SHLD1: variants seen among roughly 807,000 people sequenced by gnomAD.
SHLD1 encodes RINN1-REV7-interacting novel NHEJ regulator 3.
Under a neutral mutation model 5.5 loss-of-function variants are expected in SHLD1, and 3 were observed. The ratio of observed to expected loss-of-function variants is 0.54; its 90% CI spans 0.25 to 1.40. SHLD1 has a LOEUF of 1.40. SHLD1 is among the 40% of genes most tolerant of loss of function. SHLD1 has a pLI of 0.15. For missense variants in SHLD1, 210 were observed against 244.4 expected, an observed-to-expected ratio of 0.86 and a Z score of 0.94; for synonymous variants, 92 against 94.3, an observed-to-expected ratio of 0.98 and a Z score of 0.14.
chr20:5,840,993 G>A (rs936027338), intron 2 of SHLD1, among the ~76,000 whole-genome samples: 2 of 151,988 alleles, frequency 1.3e-5, no homozygotes, highest in African/African-American at 4.8e-5. Flanking sequence ...ATATTTATTA[G>A]TTTCTTTGTT....
chr20:5,805,353 C>T (rs985698670), intron 2 of SHLD1, among the ~76,000 whole-genome samples: 2 of 152,106 alleles, frequency 1.3e-5, no homozygotes, highest in African/African-American at 4.8e-5. Context: ...GACAGAGTTT[C>T]TCCGTGTTGG....
chr20:5,849,139 G>T (rs1371635365), intron 2 of SHLD1, among the ~76,000 whole-genome samples: 1 of 152,192 alleles, frequency 6.6e-6, no homozygotes, highest in African/African-American at 2.4e-5. Context: ...GGAAGCTTAA[G>T]TTTATTGTTT....
intron 2 of SHLD1, among the ~76,000 whole-genome samples, chr20:5,849,532 T>C (rs1250838055): frequency 2.6e-5 from 4 of 152,230 alleles, no homozygotes; most frequent in Admixed American, 2.6e-4. Context: ...TGGTAGGAAC[T>C]TTCCACTGTT....
At chr20:5,831,479 C>T (rs1022389235) in intron 2 of SHLD1, among the ~76,000 whole-genome samples, 1 of 152,192 alleles carries the variant, frequency 6.6e-6, no homozygotes, top group African/African-American at 2.4e-5. Flanking sequence ...TTGAAGCCAA[C>T]AGCCCACCTT....
chr20:5,817,432 C>CTCTCTCTCTCTCTCTGTG (rs1473391202), intron 2 of SHLD1, among the ~76,000 whole-genome samples: 22 of 85,660 alleles, frequency 2.6e-4, no homozygotes, highest in Admixed American at 4.0e-4. Flanking sequence ...CTCTCTCTCT[C>CTCTCTCTCTCTCTCTGTG]TGTGTGTGTG....
At chr20:5,762,207 G>C (rs964198292) in intron 1 of SHLD1, among the ~76,000 whole-genome samples, 11 of 151,462 alleles carry the variant, frequency 7.3e-5, no homozygotes, top group Non-Finnish European at 1.5e-4. Flanking sequence ...AGCCGAGATT[G>C]CACAACAGCC....
intron 2 of SHLD1, among the ~76,000 whole-genome samples, chr20:5,842,097 G>A (rs2087870084): frequency 6.6e-6 from 1 of 152,226 alleles, no homozygotes; most frequent in Non-Finnish European, 1.5e-5. Context: ...AAAATATAGA[G>A]TGGAGATGAA....
intron 2 of SHLD1, among the ~76,000 whole-genome samples, chr20:5,815,892 C>T (rs995276934): frequency 6.6e-6 from 1 of 151,986 alleles, no homozygotes; most frequent in Non-Finnish European, 1.5e-5. Flanking sequence ...AGCAGTCTGG[C>T]CAACATGGCA....
intron 2 of SHLD1, among the ~76,000 whole-genome samples, chr20:5,774,877 G>T (rs1985355983): frequency 6.6e-6 from 1 of 152,094 alleles, no homozygotes; most frequent in Non-Finnish European, 1.5e-5. Context: ...TTCCTTTCTA[G>T]ACTTAACATC....
intron 2 of SHLD1, among the ~76,000 whole-genome samples, chr20:5,776,758 G>A (rs112960122): frequency 0.029 from 4,362 of 151,774 alleles, 85 homozygotes; most frequent in Admixed American, 0.041. Context: ...GCAAGACTCC[G>A]ACTCAAAAAT....
intron 2 of SHLD1, among the ~76,000 whole-genome samples, chr20:5,845,526 T>C (rs2087922581): frequency 6.6e-6 from 1 of 152,262 alleles, no homozygotes; most frequent in Admixed American, 6.5e-5. Context: ...TAAGTCTACC[T>C]TACAAGGTAA....
chr20:5,850,354 G>T (rs950813374), intron 2 of SHLD1, among the ~76,000 whole-genome samples: 1 of 151,754 alleles, frequency 6.6e-6, no homozygotes. Flanking sequence ...CTCTTGTAAG[G>T]ATTCTCTGCA....
At chr20:5,848,657 T>A (rs944882798) in intron 2 of SHLD1, among the ~76,000 whole-genome samples, 1 of 152,134 alleles carries the variant, frequency 6.6e-6, no homozygotes, top group African/African-American at 2.4e-5. Flanking sequence ...ATGTTACAGT[T>A]CTCTGTTAAT....
intron 2 of SHLD1, among the ~76,000 whole-genome samples, chr20:5,850,323 A>G (rs1316562340): frequency 1.3e-5 from 2 of 151,562 alleles, no homozygotes; most frequent in Admixed American, 1.3e-4. Context: ...CGCCCTCCAG[A>G]GCCTAACCCC....
At chr20:5,839,356 T>C (rs970591053) in intron 2 of SHLD1, among the ~76,000 whole-genome samples, 1 of 152,244 alleles carries the variant, frequency 6.6e-6, no homozygotes, top group Non-Finnish European at 1.5e-5. Flanking sequence ...TTCTCACTTC[T>C]CTCCAGCTTT....
intron 2 of SHLD1, among the ~76,000 whole-genome samples, chr20:5,854,598 G>T (rs1359195164): frequency 2.0e-5 from 3 of 152,200 alleles, no homozygotes; most frequent in African/African-American, 4.8e-5. Context: ...GAAACGTAAG[G>T]CAGGGAAGGG....
intron 2 of SHLD1, among the ~76,000 whole-genome samples, chr20:5,824,369 CTATTT>C (rs2087642249): frequency 6.6e-6 from 1 of 152,204 alleles, no homozygotes; most frequent in African/African-American, 2.4e-5. Context: ...TCCCCTTCCT[CTATTT>C]TATCTTTCAT....
At chr20:5,847,392 A>C (rs2087944964) in intron 2 of SHLD1, among the ~76,000 whole-genome samples, 1 of 152,198 alleles carries the variant, frequency 6.6e-6, no homozygotes, top group South Asian at 2.1e-4. Context: ...TGCTTGAGAA[A>C]ACAAAAACAA....
intron 1 of SHLD1, chr20:5,765,042 C>A (rs1327327104): frequency 6.7e-6 from 1 of 149,874 alleles, no homozygotes; most frequent in African/African-American, 2.5e-5. Flanking sequence ...ACCCTACTCT[C>A]CAGTATTGAA....
Sources: allele counts gnomAD v4.1 joint callset (sites outside exome capture counted in the v4.1 genomes callset), GRCh38; gene constraint gnomAD v4.1.1; transcripts MANE v1.5; gene names NCBI Gene and HGNC (gene_info 2026-07-23, HGNC 2026-07-21).